Variants in CHSY3 observed in about 807,000 individuals in gnomAD.
The protein encoded by CHSY3 is N-acetylgalactosaminyl-proteoglycan 3-beta-glucuronosyltransferase 3.
Under a neutral mutation model 67.2 loss-of-function variants are expected in CHSY3, and 35 were observed. The ratio of observed to expected loss-of-function variants is 0.52; its 90% CI spans 0.40 to 0.69. The LOEUF is 0.69. Ranked by LOEUF, CHSY3 falls within the 30% of genes least tolerant of loss-of-function variation. The pLI, the probability that CHSY3 is intolerant of heterozygous loss-of-function variation, is 0.00. For synonymous variants in CHSY3, 474 were observed against 434.7 expected (o/e 1.09, Z -1.12); for missense variants, 1,069 against 1,138.5 (o/e 0.94, Z 0.88).
intron 2 of CHSY3, among the ~76,000 whole-genome samples, chr5:129,915,918 G>A (rs1191365832): frequency 6.6e-6 from 1 of 152,124 alleles, no homozygotes; most frequent in African/African-American, 2.4e-5. Flanking sequence ...AAGTTGTGAG[G>A]GATGTAGCAG....
intron 2 of CHSY3, among the ~76,000 whole-genome samples, chr5:129,951,940 T>A (rs979020725): frequency 6.6e-6 from 1 of 152,200 alleles, no homozygotes; most frequent in African/African-American, 2.4e-5. Flanking sequence ...ATCTGCTAAA[T>A]CCTGGTTATA....
intron 2 of CHSY3, among the ~76,000 whole-genome samples, chr5:130,049,013 A>C (rs2431196): frequency 0.51 from 77,406 of 151,902 alleles, 20,353 homozygotes; most frequent in East Asian, 0.67. Flanking sequence ...ACACGCACAC[A>C]CACACAGAAT....
chr5:129,952,447 A>C (rs1401389317), intron 2 of CHSY3, among the ~76,000 whole-genome samples: 1 of 152,214 alleles, frequency 6.6e-6, no homozygotes, highest in African/African-American at 2.4e-5. Flanking sequence ...ACAGAATTGT[A>C]TTCATTTTGC....
chr5:129,904,549 T>TGCTGCCGCCGCTGCC lies in CHSY3; in HGVS notation c.-278_-264dup, dbSNP rs1760152796. 1 of 356,322 alleles carries TGCTGCCGCCGCTGCC rather than the reference T, an allele frequency of 2.8e-6. No individual in the cohort carries two copies. Among genetic ancestry groups the TGCTGCCGCCGCTGCC allele is most frequent in the East Asian group, 5.4e-5 (1 of 18,642 alleles). 22.1% of individuals were successfully genotyped at this position (356,322 alleles called of 1,614,324 possible). A position where few individuals can be genotyped will look rare whatever the true frequency, so the allele number is the denominator to read the frequency against. On this transcript the variant is annotated 5_prime_UTR_variant, in exon 1 of 3. Transcript: ENST00000305031. ...CTCCTGCAGCTCCTCCAGCTGCCGC[T>TGCTGCCGCCGCTGCC]GCTGCCGCCGCTGCCGCCACCGCCG...
chr5:130,011,898 C>T (rs191119768), intron 2 of CHSY3, among the ~76,000 whole-genome samples: 72 of 152,250 alleles, frequency 4.7e-4, no homozygotes, highest in African/African-American at 1.7e-3. Context: ...GAGAATACAG[C>T]TAACCAAGGA....
chr5:129,976,552 A>G (rs1228171588), intron 2 of CHSY3, among the ~76,000 whole-genome samples: 4 of 152,170 alleles, frequency 2.6e-5, no homozygotes, highest in Non-Finnish European at 5.9e-5. Flanking sequence ...GACTGAATGA[A>G]GGATATCTGG....
At chr5:130,049,490 CCA>C (rs1296091387) in intron 2 of CHSY3, among the ~76,000 whole-genome samples, 1 of 152,004 alleles carries the variant, frequency 6.6e-6, no homozygotes, top group Non-Finnish European at 1.5e-5. Flanking sequence ...TACTTATTGC[CCA>C]CCATATAAGC....
chr5:130,001,159 A>G (rs1293822594), intron 2 of CHSY3, among the ~76,000 whole-genome samples: 1 of 152,016 alleles, frequency 6.6e-6, no homozygotes, highest in Non-Finnish European at 1.5e-5. Flanking sequence ...GAAAACAAGC[A>G]TGAGCCACCA....
chr5:129,962,729 A>G (rs1186149916), intron 2 of CHSY3, among the ~76,000 whole-genome samples: 2 of 151,992 alleles, frequency 1.3e-5, no homozygotes, highest in East Asian at 1.9e-4. Context: ...TGATGGTGAC[A>G]TCAAGTCTCT....
intron 2 of CHSY3, among the ~76,000 whole-genome samples, chr5:130,097,253 C>T (rs868591661): frequency 2.6e-5 from 4 of 152,190 alleles, no homozygotes; most frequent in Admixed American, 2.0e-4. Flanking sequence ...TTCCTATTTC[C>T]GAAACCAGGC....
At chr5:130,060,732 T>G (rs1765684785) in intron 2 of CHSY3, among the ~76,000 whole-genome samples, 1 of 152,080 alleles carries the variant, frequency 6.6e-6, no homozygotes, top group African/African-American at 2.4e-5. Flanking sequence ...CAAAAATCAG[T>G]GTGCAGAAAT....
chr5:130,088,554 G>A (rs1433229718), intron 2 of CHSY3, among the ~76,000 whole-genome samples: 1 of 152,074 alleles, frequency 6.6e-6, no homozygotes, highest in Admixed American at 6.6e-5. Context: ...ATCGAAAAGT[G>A]GGCGAAGGAC....
At chr5:130,127,184 G>A (rs1561549269) in intron 2 of CHSY3, among the ~76,000 whole-genome samples, 1 of 147,852 alleles carries the variant, frequency 6.8e-6, no homozygotes, top group African/African-American at 2.5e-5. Flanking sequence ...TGTAGATCAT[G>A]CCACATTTTT....
chr5:130,034,299 T>G (rs1291549658), intron 2 of CHSY3, among the ~76,000 whole-genome samples: 1 of 152,174 alleles, frequency 6.6e-6, no homozygotes, highest in Non-Finnish European at 1.5e-5. Flanking sequence ...TCTTGGATGA[T>G]TCTCCTATGA....
At chr5:129,929,770 G>T (rs999734096) in intron 2 of CHSY3, among the ~76,000 whole-genome samples, 13 of 151,870 alleles carry the variant, frequency 8.6e-5, no homozygotes, top group African/African-American at 2.7e-4. Flanking sequence ...TCTTTATATT[G>T]TTAGTAAATC....
At chr5:129,953,421 A>G (rs192518113) in intron 2 of CHSY3, among the ~76,000 whole-genome samples, 5 of 152,250 alleles carry the variant, frequency 3.3e-5, no homozygotes, top group African/African-American at 1.2e-4. Flanking sequence ...GCTATTGTGA[A>G]TAGCGCTGCA....
intron 2 of CHSY3, among the ~76,000 whole-genome samples, chr5:130,051,035 C>T (rs776024775): frequency 2.5e-4 from 38 of 152,066 alleles, no homozygotes; most frequent in Non-Finnish European, 4.7e-4. Context: ...AAGTTAAAAG[C>T]TATAAAGTAT....
intron 2 of CHSY3, among the ~76,000 whole-genome samples, chr5:130,172,325 CT>C (rs148048268): frequency 2.6e-4 from 8 of 30,232 alleles, no homozygotes; most frequent in Non-Finnish European, 7.9e-4. Context: ...CTTTTCTTTT[CT>C]TTTTTTTTTT....
chr5:130,006,050 C>A (rs1763864075), intron 2 of CHSY3, among the ~76,000 whole-genome samples: 1 of 152,054 alleles, frequency 6.6e-6, no homozygotes, highest in South Asian at 2.1e-4. Context: ...TAATTTGTGT[C>A]AAATTAATAA....
Sources: allele counts gnomAD v4.1 joint callset (sites outside exome capture counted in the v4.1 genomes callset), GRCh38; gene constraint gnomAD v4.1.1; transcripts MANE v1.5; gene names NCBI Gene and HGNC (gene_info 2026-07-23, HGNC 2026-07-21).